FBN2: variants seen among roughly 807,000 people sequenced by gnomAD.
FBN2 encodes the protein fibrillin-2.
A neutral mutation model predicts 355.6 loss-of-function variants in FBN2; 105 were observed. That is an observed-to-expected ratio of 0.30 (90% confidence interval 0.25 to 0.35). The LOEUF is 0.35. Ranked by LOEUF, FBN2 falls within the 10% of genes least tolerant of loss-of-function variation. The probability of loss-of-function intolerance (pLI) is 1.00; values close to 1 mark genes in which losing one functional copy is unlikely to be tolerated. For synonymous variants in FBN2, 1,350 were observed against 1,301.2 expected (o/e 1.04, Z -0.81); for missense variants, 3,280 against 3,758.7 (o/e 0.87, Z 3.33).
In FBN2 at chr5:128,274,567, C is replaced by A. The variant is rs1433080991; in HGVS notation, c.7711G>T (p.Asp2571Tyr). 6.4e-7 allele frequency: 1 copy of A among 1,561,844 alleles called. No individual in the cohort carries two copies. The highest frequency in any genetic ancestry group is 8.8e-7 in the Non-Finnish European group (1 of 1,132,728). Residue 2571 changes from aspartate (D) to tyrosine (Y), a missense_variant and splice_region_variant, in exon 60 of 65, where the codon GAC becomes TAC. This residue lies in a region of FBN2 where 2,284 missense variants were observed against 2,749.5 expected (regional missense o/e 0.83). Coordinates refer to ENST00000262464, the MANE Select transcript of FBN2 (RefSeq NM_001999.4). Reference protein sequence around the residue: ...GFTQHHTACIDNNECGSQPSL... With the variant: ...GFTQHHTACIYNNECGSQPSL... The stretch of plus-strand genomic sequence containing the variant: ...TTTCCCATTTGTAACTTTGTCTTAC[C>A]GATACAAGCAGTGTGATGCTGTGTG...
chr5:128,520,567 G>A (rs559432164), intron 4 of FBN2, among the ~76,000 whole-genome samples: 2 of 152,268 alleles, frequency 1.3e-5, no homozygotes, highest in South Asian at 2.1e-4. Context: ...TAGTAGCACA[G>A]TAATGCTGCT....
chr5:128,358,324 A>G (rs1029406393), intron 19 of FBN2, among the ~76,000 whole-genome samples: 3 of 152,120 alleles, frequency 2.0e-5, no homozygotes, highest in Non-Finnish European at 4.4e-5. Flanking sequence ...CTTCTCTACT[A>G]AATTATCTGA....
Position 128,318,280 on chromosome 5 carries a change from A to G in FBN2, c.4595-9T>C, listed in dbSNP as rs1304317311. On this transcript the variant is annotated splice_polypyrimidine_tract_variant and intron_variant, in intron 35 of 64. Transcript: ENST00000262464. ...TGCACACTCATCAATATCTAGGAGA[A>G]GCATTTAAAATGCCCAGGTTACCAT... 1 of 1,613,948 alleles carries G rather than the reference A, an allele frequency of 6.2e-7. No individual in the cohort carries two copies. Among genetic ancestry groups the G allele is most frequent in the Admixed American group, 1.7e-5 (1 of 60,006 alleles).
At position 128,330,620 on chromosome 5, in the gene FBN2, C is replaced by A. The variant is rs143462011; in HGVS notation, c.4298G>T (p.Arg1433Leu). The change falls in exon 33 of 65, where the codon CGC becomes CTC. Residue 1433 changes from arginine (R) to leucine (L), a missense_variant. Physicochemically the swap from Arg to Leu is moderately radical, Grantham distance 102 (BLOSUM62 -2). This residue lies in a region of FBN2 where 2,284 missense variants were observed against 2,749.5 expected (regional missense o/e 0.83). Coordinates refer to ENST00000262464, the MANE Select transcript of FBN2 (RefSeq NM_001999.4). ...AQCVNTPGSY[R>L]CACSEGFTGD... Reference sequence around the variant, plus strand: ...AGTGAAACCTTCGGAGCAGGCACAGCGGTATGAGCCCGGGGTATTTACACA... The same window carrying A: ...AGTGAAACCTTCGGAGCAGGCACAGAGGTATGAGCCCGGGGTATTTACACA... 2.5e-6 allele frequency: 4 copies of A among 1,613,780 alleles called. No homozygotes were observed. The highest frequency in any genetic ancestry group is 2.5e-6 in the Non-Finnish European group (3 of 1,179,876).
At chr5:128,405,545 A>C (rs571551696) in intron 8 of FBN2, among the ~76,000 whole-genome samples, 1 of 152,350 alleles carries the variant, frequency 6.6e-6, no homozygotes, top group Admixed American at 6.5e-5. Context: ...CGTTGGTCTT[A>C]TCTGAATAAA....
rs548057228 is a variant in FBN2 at position 128,307,160 on chromosome 5, A to C, written c.5397T>G (p.Phe1799Leu). The stretch of plus-strand genomic sequence containing the variant: ...CAACAGCTTTTCCTGTGTGAATGTC[A>C]AAGGTGAATCCAGGAATATTTCCAC... Reference protein sequence around the residue: ...TICGNIPGFTFDIHTGKAVDI... With the variant: ...TICGNIPGFTLDIHTGKAVDI... The change falls in exon 42 of 65, where the codon TTT becomes TTG. Residue 1799 changes from phenylalanine to leucine, a missense_variant. Around this residue, in one of 6 missense-constraint regions of FBN2, gnomAD observed 2,284 missense variants for 2,749.5 expected, o/e 0.83. Coordinates refer to ENST00000262464, the MANE Select transcript of FBN2 (RefSeq NM_001999.4). 6.2e-7 allele frequency: 1 copy of C among 1,611,246 alleles called. No homozygotes were observed. The highest frequency in any genetic ancestry group is 1.3e-5 in the African/African-American group (1 of 75,010).
intron 8 of FBN2, among the ~76,000 whole-genome samples, chr5:128,395,525 A>G (rs1025101894): frequency 6.6e-6 from 1 of 152,224 alleles, no homozygotes; most frequent in Non-Finnish European, 1.5e-5. Flanking sequence ...CTTGAAGGAA[A>G]GCAACAACCC....
rs1561495424 is a variant in FBN2 at position 128,519,318 on chromosome 5, G to A, written c.583C>T (p.Arg195Cys). 1.2e-6 allele frequency: 2 copies of A among 1,613,856 alleles called. No individual in the cohort carries two copies. The highest frequency in any genetic ancestry group is 2.2e-5 in the East Asian group (1 of 44,866). ...QNGGRCIGPN[R>C]CACVYGFTGP... Reference sequence around the variant, plus strand: ...GTGAACCCATAAACACAAGCACAGCGGTTGGGTCCGATGCAACGTCCACCA... The same window carrying A: ...GTGAACCCATAAACACAAGCACAGCAGTTGGGTCCGATGCAACGTCCACCA... The change falls in exon 5 of 65, where the codon CGC becomes TGC. Residue 195 changes from arginine to cysteine, a missense_variant. Arg to Cys is a radical substitution (Grantham distance 180). Coordinates refer to ENST00000262464, the MANE Select transcript of FBN2 (RefSeq NM_001999.4).
intron 8 of FBN2, among the ~76,000 whole-genome samples, chr5:128,396,619 T>C (rs1035880939): frequency 4.6e-5 from 7 of 152,224 alleles, no homozygotes; most frequent in African/African-American, 1.7e-4. Context: ...AGATAAAGGC[T>C]AGAAGACAGG....
chr5:128,284,760 T>G (rs1274872008), intron 55 of FBN2, among the ~76,000 whole-genome samples: 1 of 152,200 alleles, frequency 6.6e-6, no homozygotes, highest in Non-Finnish European at 1.5e-5. Context: ...TCTTCCTGCC[T>G]CACCTCCGGC....
intron 45 of FBN2, among the ~76,000 whole-genome samples, chr5:128,304,479 A>C (rs956326000): frequency 6.6e-6 from 1 of 152,250 alleles, no homozygotes; most frequent in East Asian, 1.9e-4. Context: ...AACACAAAAT[A>C]TGTACATAAA....
chr5:128,528,998 T>A (rs571846561), intron 3 of FBN2, among the ~76,000 whole-genome samples: 62 of 152,334 alleles, frequency 4.1e-4, no homozygotes, highest in Non-Finnish European at 7.8e-4. Flanking sequence ...AGCAGTTACT[T>A]AAGCACTGGG....
chr5:128,308,266 C>G (rs902727012), intron 41 of FBN2, among the ~76,000 whole-genome samples: 13 of 152,032 alleles, frequency 8.6e-5, no homozygotes, highest in South Asian at 2.1e-4. Context: ...TTCCCCAAAT[C>G]AATGATCTTA....
At chr5:128,354,508 G>A (rs1437051170) in intron 20 of FBN2, among the ~76,000 whole-genome samples, 2 of 152,220 alleles carry the variant, frequency 1.3e-5, no homozygotes, top group Non-Finnish European at 1.5e-5. Context: ...GCTGCCTAGT[G>A]GCTATGTGGA....
At chr5:128,287,247 T>C in intron 54 of FBN2, 61 bp downstream of exon 54, 1 of 1,576,772 alleles carries the variant, frequency 6.3e-7, no homozygotes, top group Non-Finnish European at 8.7e-7. Flanking sequence ...TATAAAATCA[T>C]TAAGATGTAT....
intron 6 of FBN2, among the ~76,000 whole-genome samples, chr5:128,458,564 T>C: frequency 6.6e-6 from 1 of 151,840 alleles, no homozygotes; most frequent in Non-Finnish European, 1.5e-5. Context: ...AAAACACTCC[T>C]CAGCAAATGC....
At chr5:128,511,303 A>G (rs1396495622) in intron 5 of FBN2, among the ~76,000 whole-genome samples, 1 of 152,158 alleles carries the variant, frequency 6.6e-6, no homozygotes, top group African/African-American at 2.4e-5. Context: ...CTCAGTGCCT[A>G]CTTGAGGGTA....
chr5:128,287,230 T>C, intron 54 of FBN2, 78 bp downstream of exon 54: 1 of 1,519,954 alleles, frequency 6.6e-7, no homozygotes, highest in Non-Finnish European at 9.1e-7. Flanking sequence ...AGAAATTAGT[T>C]GAGAACTATA....
chr5:128,278,197 G>A (rs137938630), intron 57 of FBN2, among the ~76,000 whole-genome samples, 192 bp from the exon 58 acceptor site: 26 of 152,252 alleles, frequency 1.7e-4, no homozygotes, highest in African/African-American at 5.1e-4. Context: ...CTCAAGTGAT[G>A]GGAGGGGATA....
Sources: allele counts gnomAD v4.1 joint callset (sites outside exome capture counted in the v4.1 genomes callset), GRCh38; gene constraint gnomAD v4.1.1; regional missense constraint gnomAD v4.1.1; transcripts MANE v1.5; gene names NCBI Gene and HGNC (gene_info 2026-07-23, HGNC 2026-07-21).